The following PDE4B variants were observed in gnomAD, a reference collection of about 807,000 sequenced individuals.
PDE4B encodes the protein 3',5'-cyclic-AMP phosphodiesterase 4B.
Under a neutral mutation model 82.2 loss-of-function variants are expected in PDE4B, and 20 were observed. That is an observed-to-expected ratio of 0.24 (90% confidence interval 0.17 to 0.35). The LOEUF (loss-of-function observed/expected upper bound fraction) is 0.35, where lower values mean the gene tolerates loss of function less well. Among genes scored for constraint, PDE4B ranks in the 10% least tolerant of loss-of-function variants. The pLI, the probability that PDE4B is intolerant of heterozygous loss-of-function variation, is 1.00. For synonymous variants in PDE4B, 320 were observed against 318.9 expected, an observed-to-expected ratio of 1.00 and a Z score of -0.04; for missense variants, 655 against 907.2, an observed-to-expected ratio of 0.72 and a Z score of 3.57.
chr1:66,091,422 A>C (rs1254337856), intron 3 of PDE4B, among the ~76,000 whole-genome samples: 4 of 152,116 alleles, frequency 2.6e-5, no homozygotes, highest in Non-Finnish European at 5.9e-5. Flanking sequence ...GTCTCTGTTT[A>C]AAATGGAGAA....
chr1:65,818,381 C>T (rs564869700), intron 1 of PDE4B, among the ~76,000 whole-genome samples: 111 of 152,148 alleles, frequency 7.3e-4, no homozygotes, highest in Middle Eastern at 3.4e-3. Flanking sequence ...TGCTCTATTT[C>T]TTGTGTTCTT....
intron 1 of PDE4B, among the ~76,000 whole-genome samples, chr1:65,808,174 T>A (rs1183290087): frequency 1.3e-5 from 2 of 150,778 alleles, no homozygotes; most frequent in Non-Finnish European, 3.0e-5. Flanking sequence ...AAACACTTTT[T>A]TTTTTTTTTT....
intron 3 of PDE4B, among the ~76,000 whole-genome samples, chr1:66,151,759 A>T (rs894438456): frequency 2.6e-5 from 4 of 152,192 alleles, no homozygotes; most frequent in Admixed American, 2.6e-4. Flanking sequence ...GGCAGGCACC[A>T]TATTTGATTC....
chr1:65,899,006 A>G (rs914920052), intron 1 of PDE4B, among the ~76,000 whole-genome samples: 1 of 152,148 alleles, frequency 6.6e-6, no homozygotes, highest in South Asian at 2.1e-4. Flanking sequence ...GGCAAAAGGA[A>G]CAGTCAGCAG....
rs183182898 is a variant in PDE4B at position 65,992,819 on chromosome 1, A to G, written c.281+73984A>G. ...AAATTAAACTGGAAATAGTTTGCAG[A>G]CTTATCAGTCTTCTGACCTGCAGCA... is the stretch of plus-strand genomic sequence containing the variant. On this transcript the variant is annotated intron_variant, in intron 3 of 16. Transcript: ENST00000341517. 29 of 1,496,038 alleles carry G rather than the reference A, an allele frequency of 1.9e-5. No individual in the cohort carries two copies. The Admixed American group carries it at 6.5e-4, about 33-fold the overall frequency. The allele number at this position is 1,496,038 out of a possible 1,614,324, so 92.7% of individuals were successfully genotyped here.
intron 1 of PDE4B, among the ~76,000 whole-genome samples, chr1:65,900,962 T>C (rs1287023909): frequency 6.6e-6 from 1 of 152,140 alleles, no homozygotes; most frequent in Non-Finnish European, 1.5e-5. Context: ...TTTTGCCTGA[T>C]TGCTCTGGCT....
chr1:66,172,199 G>A (rs1279864634), intron 3 of PDE4B, among the ~76,000 whole-genome samples: 1 of 152,158 alleles, frequency 6.6e-6, no homozygotes, highest in Non-Finnish European at 1.5e-5. Context: ...AGAACATGAG[G>A]TATTTGCTTT....
intron 3 of PDE4B, among the ~76,000 whole-genome samples, chr1:65,947,373 G>A (rs1000916058): frequency 2.6e-5 from 4 of 151,982 alleles, no homozygotes; most frequent in South Asian, 2.1e-4. Flanking sequence ...GGCCAGGCTC[G>A]GCTCGTGTAT....
At chr1:65,993,039 A>T (rs1651332641) in intron 3 of PDE4B, 1 of 1,613,858 alleles carries the variant, frequency 6.2e-7, no homozygotes, top group South Asian at 1.1e-5. Flanking sequence ...ATCTCCTAAA[A>T]TTTCTCCACG....
rs614350 is a variant in PDE4B at position 66,126,317 on chromosome 1, T to A, written c.282-121143T>A. On this transcript the variant is annotated intron_variant, in intron 3 of 16. Coordinates refer to ENST00000341517, the MANE Select transcript of PDE4B (RefSeq NM_002600.4). ...CTAACTAACAAAATAATCAAGATGA[T>A]AACTTTCTACTAAGCTTCTGATATT... Among the ~76,000 whole-genome samples, 29 of 152,122 alleles carry A rather than the reference T, an allele frequency of 1.9e-4. No individual in the cohort carries two copies. The South Asian group carries it at 5.8e-3, about 30-fold the overall frequency.
chr1:66,330,781 T>C, intron 7 of PDE4B: 1 of 985,240 alleles, frequency 1.0e-6, no homozygotes, highest in African/African-American at 1.7e-5. Context: ...AGAGAGTAAG[T>C]CAGAGAATCT....
chr1:66,342,739 AAAAAC>A (rs1661093971), intron 8 of PDE4B, among the ~76,000 whole-genome samples: 1 of 149,494 alleles, frequency 6.7e-6, no homozygotes, highest in South Asian at 2.1e-4. Context: ...TCAAAAAAAA[AAAAAC>A]AAAACAAAGC....
At chr1:66,143,843 A>C (rs1388969377) in intron 3 of PDE4B, among the ~76,000 whole-genome samples, 1 of 152,232 alleles carries the variant, frequency 6.6e-6, no homozygotes, top group Non-Finnish European at 1.5e-5. Context: ...AGGAATGGGC[A>C]GCCATCTTGT....
chr1:66,201,896 A>T (rs1204907965), intron 3 of PDE4B, among the ~76,000 whole-genome samples: 1 of 151,708 alleles, frequency 6.6e-6, no homozygotes, highest in Non-Finnish European at 1.5e-5. Flanking sequence ...TAGCTTTTGA[A>T]TGTGTTTGCT....
intron 3 of PDE4B, among the ~76,000 whole-genome samples, chr1:66,087,500 T>C (rs1436166713): frequency 6.6e-6 from 1 of 152,116 alleles, no homozygotes; most frequent in Admixed American, 6.6e-5. Context: ...TTAATTTAAT[T>C]AGATCCCATT....
At chr1:65,839,025 A>G (rs1301074903) in intron 1 of PDE4B, among the ~76,000 whole-genome samples, 1 of 152,178 alleles carries the variant, frequency 6.6e-6, no homozygotes, top group Non-Finnish European at 1.5e-5. Flanking sequence ...GCTGAAAATC[A>G]GTTGTAACTT....
chr1:65,891,703 C>T (rs1416809057), intron 1 of PDE4B, among the ~76,000 whole-genome samples: 1 of 151,922 alleles, frequency 6.6e-6, no homozygotes, highest in Non-Finnish European at 1.5e-5. Flanking sequence ...TACTAAAATG[C>T]TTTTTTATTT....
rs534170367 is a variant in PDE4B at position 66,305,655 on chromosome 1, A to G, written c.635-26853A>G. Among the ~76,000 whole-genome samples, 7 of 152,256 alleles carry G rather than the reference A, an allele frequency of 4.6e-5. No individual in the cohort carries two copies. The East Asian group carries it at 1.4e-3, about 29-fold the overall frequency. ...GAGACAAAATCCGAATCTAAGCAGA[A>G]GCAATTTAATTTGGTGTTGCTATTT... is the stretch of plus-strand genomic sequence containing the variant. On this transcript the variant is annotated intron_variant, in intron 7 of 16. Transcript: ENST00000341517.
At chr1:65,827,797 C>G (rs1463931270) in intron 1 of PDE4B, among the ~76,000 whole-genome samples, 1 of 152,074 alleles carries the variant, frequency 6.6e-6, no homozygotes, top group African/African-American at 2.4e-5. Context: ...GATCCAAAAG[C>G]TGGAAGAACA....
Sources: gnomAD v4.1 joint callset for allele counts (sites outside exome capture counted in the v4.1 genomes callset) on GRCh38, gnomAD v4.1.1 for gene constraint, MANE v1.5 for transcripts, NCBI Gene and HGNC (gene_info 2026-07-23, HGNC 2026-07-21) for gene names.